Variants in CTNNA2 observed in about 807,000 individuals in gnomAD.
CTNNA2 encodes catenin alpha-2.
A neutral mutation model predicts 101.0 loss-of-function variants in CTNNA2; 42 were observed. The ratio of observed to expected loss-of-function variants is 0.42; its 90% CI spans 0.32 to 0.54. The LOEUF is 0.54. Ranked by LOEUF, CTNNA2 falls within the 20% of genes least tolerant of loss-of-function variation. The pLI is 0.14. For synonymous variants in CTNNA2, 450 were observed against 456.4 expected, an observed-to-expected ratio of 0.99 and a Z score of 0.18; for missense variants, 871 against 1,223.1, an observed-to-expected ratio of 0.71 and a Z score of 4.29.
intron 7 of CTNNA2, among the ~76,000 whole-genome samples, chr2:80,313,980 G>T (rs1373946935): frequency 6.6e-6 from 1 of 152,192 alleles, no homozygotes; most frequent in Admixed American, 6.5e-5. Flanking sequence ...GATTGCTCTA[G>T]GGGAGAAGGG....
rs528969596 is a variant in CTNNA2 at position 80,410,527 on chromosome 2, A to G, written c.1138-8922A>G. ...TGTGTTCTTGACTCCTGTCAGACTTAACGAATGATTTTGTCAAGTCATTCC... is the reference window on the plus strand; with the variant it reads ...TGTGTTCTTGACTCCTGTCAGACTTGACGAATGATTTTGTCAAGTCATTCC... On this transcript the variant is annotated intron_variant, in intron 8 of 18. Transcript: ENST00000402739. Among the ~76,000 whole-genome samples the G allele has an allele frequency of 3.9e-5, 6 of 152,352 alleles. No homozygotes were observed. In the East Asian group the frequency reaches 9.6e-4, roughly 24 times the overall value.
intron 9 of CTNNA2, among the ~76,000 whole-genome samples, chr2:80,475,228 G>A (rs141301334): frequency 0.013 from 2,045 of 152,200 alleles, 37 homozygotes; most frequent in African/African-American, 0.046. Flanking sequence ...TCCCTCCACT[G>A]GAAAGTGTAA....
intron 7 of CTNNA2, among the ~76,000 whole-genome samples, chr2:79,957,195 A>G (rs1287258727): frequency 6.6e-6 from 1 of 152,140 alleles, no homozygotes; most frequent in South Asian, 2.1e-4. Flanking sequence ...GAAAATTTTC[A>G]GCTTCTCCAA....
intron 1 of CTNNA2, among the ~76,000 whole-genome samples, chr2:79,599,754 G>T (rs544966881): frequency 6.6e-6 from 1 of 152,086 alleles, no homozygotes; most frequent in African/African-American, 2.4e-5. Context: ...TTTCAAAAAC[G>T]TTTAAAAAAT....
intron 14 of CTNNA2, among the ~76,000 whole-genome samples, chr2:80,584,428 A>T (rs10181022): frequency 0.13 from 5,705 of 43,688 alleles, 403 homozygotes; most frequent in African/African-American, 0.33. Flanking sequence ...GAGAGGAGAT[A>T]GGGGGCGGGG....
At chr2:79,204,256 C>T (rs971627196) in intron 2 of CTNNA2, among the ~76,000 whole-genome samples, 5 of 152,226 alleles carry the variant, frequency 3.3e-5, no homozygotes, top group East Asian at 1.9e-4. Flanking sequence ...AGGAATGCCA[C>T]GCTGACCTGC....
Position 80,190,011 on chromosome 2 carries a change from T to C in CTNNA2, c.1057-203200T>C, listed in dbSNP as rs1310519376. On this transcript the variant is annotated intron_variant, in intron 7 of 18. Coordinates refer to ENST00000402739, the MANE Select transcript of CTNNA2 (RefSeq NM_001282597.3). ...GAGGAAACATGAATGGGGAAATCCA[T>C]GAAAAAAAAATCTAATTACTGATGC... 5.1e-4 allele frequency among the ~76,000 whole-genome samples: 69 copies of C among 136,084 alleles called. 1 individual carries two copies. The highest frequency in any genetic ancestry group is 4.8e-3 in the Admixed American group (69 of 14,318). The allele number at this position is 136,084 out of a possible 152,430, so 89.3% of individuals were successfully genotyped here.
chr2:80,448,666 C>CATTT lies in CTNNA2; in HGVS notation c.1290+29080_1290+29083dup, dbSNP rs1304632128. Among the ~76,000 whole-genome samples, 7 of 152,166 alleles carry CATTT rather than the reference C, an allele frequency of 4.6e-5. No homozygotes were observed. The East Asian group carries it at 9.7e-4, about 21-fold the overall frequency. ...TTGCATAAGTCTCCTTTCTTGTTAG[C>CATTT]ATTTATTTATTTATTTATACCCTGA... On this transcript the variant is annotated intron_variant, in intron 9 of 18. Transcript: ENST00000402739.
chr2:80,114,173 C>A (rs1249987884), intron 7 of CTNNA2, among the ~76,000 whole-genome samples: 1 of 152,110 alleles, frequency 6.6e-6, no homozygotes, highest in African/African-American at 2.4e-5. Context: ...CCTCCTCAGT[C>A]CTCAGAGAAG....
intron 11 of CTNNA2, 32 bp downstream of exon 11, chr2:80,546,095 A>G: frequency 6.2e-7 from 1 of 1,610,506 alleles, no homozygotes; most frequent in Non-Finnish European, 8.5e-7. Context: ...CTTACAAGGC[A>G]GCTGGAGGAG....
intron 13 of CTNNA2, among the ~76,000 whole-genome samples, chr2:80,580,649 C>T (rs2149716181): frequency 6.6e-6 from 1 of 152,190 alleles, no homozygotes; most frequent in East Asian, 1.9e-4. Flanking sequence ...GTTATTTAAT[C>T]CTTTATGGGT....
intron 7 of CTNNA2, among the ~76,000 whole-genome samples, chr2:80,326,819 AAG>A (rs1314830529): frequency 6.6e-6 from 1 of 152,178 alleles, no homozygotes; most frequent in Non-Finnish European, 1.5e-5. Flanking sequence ...GCTAAAAAAA[AAG>A]AGCAGTGTCA....
At chr2:80,269,110 C>T (rs995642416) in intron 7 of CTNNA2, among the ~76,000 whole-genome samples, 3 of 152,152 alleles carry the variant, frequency 2.0e-5, no homozygotes, top group African/African-American at 7.2e-5. Flanking sequence ...TGTGTTACAA[C>T]TTGAATTTTT....
At position 79,649,620 on chromosome 2, in the gene CTNNA2, C is replaced by G. The variant is rs116706330; in HGVS notation, c.-5-1932C>G. ...GAATTCTGTATATGACAGAGCTGCT[C>G]TATGGCAGTTGGTAGTGTGAATGGA... On this transcript the variant is annotated intron_variant, in intron 1 of 18. Transcript: ENST00000402739. Among the ~76,000 whole-genome samples, 10 of 152,250 alleles carry G rather than the reference C, an allele frequency of 6.6e-5. No individual in the cohort carries two copies. The East Asian group carries it at 1.5e-3, about 24-fold the overall frequency.
chr2:79,715,131 CG>C (rs914402449), intron 2 of CTNNA2, among the ~76,000 whole-genome samples: 2 of 141,400 alleles, frequency 1.4e-5, no homozygotes, highest in Non-Finnish European at 3.0e-5. Context: ...CGCTTGAACA[CG>C]GGAGGCAGAG....
intron 7 of CTNNA2, among the ~76,000 whole-genome samples, chr2:80,208,535 T>A (rs773817023): frequency 2.6e-5 from 4 of 152,138 alleles, no homozygotes; most frequent in African/African-American, 4.8e-5. Context: ...AAAGGAGCAC[T>A]TGAGGTAAAC....
At chr2:79,616,119 G>A (rs1216773182) in intron 1 of CTNNA2, among the ~76,000 whole-genome samples, 1 of 152,126 alleles carries the variant, frequency 6.6e-6, no homozygotes, top group Non-Finnish European at 1.5e-5. Flanking sequence ...TTACTATCTG[G>A]CCATTTGCAG....
At chr2:79,270,524 C>T (rs1270217633) in intron 2 of CTNNA2, among the ~76,000 whole-genome samples, 1 of 152,074 alleles carries the variant, frequency 6.6e-6, no homozygotes, top group Non-Finnish European at 1.5e-5. Flanking sequence ...TTGACTTCTA[C>T]CTTGCTCTTA....
intron 1 of CTNNA2, among the ~76,000 whole-genome samples, chr2:79,188,251 T>C (rs919367972): frequency 2.0e-5 from 3 of 152,212 alleles, no homozygotes; most frequent in Non-Finnish European, 2.9e-5. Flanking sequence ...AAGCAAACTT[T>C]GTTCCTCACC....
Sources: gnomAD v4.1 joint callset for allele counts (sites outside exome capture counted in the v4.1 genomes callset) on GRCh38, gnomAD v4.1.1 for gene constraint, MANE v1.5 for transcripts, NCBI Gene and HGNC (gene_info 2026-07-23, HGNC 2026-07-21) for gene names.